GANC: variants seen among roughly 807,000 people sequenced by gnomAD.
GANC encodes the protein glucosidase alpha, neutral C, also known as neutral alpha-glucosidase C.
GANC carries 117 observed loss-of-function variants against 124.2 expected under a neutral mutation model. The observed-to-expected ratio is 0.94, with a 90% confidence interval of 0.81 to 1.10. GANC has a LOEUF of 1.10. GANC is among the 50% of genes least tolerant of loss of function. The pLI, the probability that GANC is intolerant of heterozygous loss-of-function variation, is 0.00. For synonymous variants in GANC, 377 were observed against 376.8 expected (o/e 1.00, Z -0.01); for missense variants, 1,140 against 1,095.0 (o/e 1.04, Z -0.58).
Position 42,273,220 on chromosome 15 carries a change from C to A in GANC, c.-1262C>A, listed in dbSNP as rs543349213. The A allele has an allele frequency of 6.2e-6, 10 of 1,612,724 alleles. No individual in the cohort carries two copies. The highest frequency in any genetic ancestry group is 2.7e-5 in the African/African-American group (2 of 75,018). Reference sequence around the variant, plus strand: ...GCCGCCGTAGCCCCACCCCTTGCTCCTCTAGGTTCAGACGTTAGTGAAGTG... The same window carrying A: ...GCCGCCGTAGCCCCACCCCTTGCTCATCTAGGTTCAGACGTTAGTGAAGTG... On this transcript the variant is annotated 5_prime_UTR_variant, in exon 1 of 24. Transcript: ENST00000318010.
intron 3 of GANC, among the ~76,000 whole-genome samples, chr15:42,285,712 T>C (rs2051780507): frequency 1.3e-5 from 2 of 152,098 alleles, no homozygotes; most frequent in South Asian, 2.1e-4. Context: ...CAAGAATCTC[T>C]TGAACCTAGG....
intron 15 of GANC, 67 bp downstream of exon 15, chr15:42,330,739 G>A: frequency 2.3e-6 from 2 of 857,554 alleles, no homozygotes; most frequent in Non-Finnish European, 1.8e-6. Context: ...TTTATAGAAT[G>A]TGATGTTACT....
chr15:42,310,324 G>A lies in GANC; in HGVS notation c.764G>A (p.Gly255Glu), dbSNP rs2052037988. 1 of 1,612,386 alleles carries A rather than the reference G, an allele frequency of 6.2e-7. No homozygotes were observed. The highest frequency in any genetic ancestry group is 1.3e-5 in the African/African-American group (1 of 74,992). ...AYRLYNLDVY[G>E]YQIYDKMGIY... is the part of the protein sequence containing the mutation. The stretch of plus-strand genomic sequence containing the variant: ...CGTCTTTATAACCTGGATGTCTATG[G>A]ATACCAAATATATGATAAAATGGGC... The change falls in exon 9 of 24, where the codon GGA becomes GAA. Residue 255 changes from glycine to glutamate, a missense_variant. Physicochemically the swap from Gly to Glu is moderately conservative, Grantham distance 98. Coordinates refer to ENST00000318010, the MANE Select transcript of GANC (RefSeq NM_198141.3).
chr15:42,279,604 T>C (rs2051711216), intron 3 of GANC, among the ~76,000 whole-genome samples: 1 of 152,136 alleles, frequency 6.6e-6, no homozygotes. Flanking sequence ...GAAGTGTGAC[T>C]GTGCACTACT....
chr15:42,312,700 A>G (rs1468443192), intron 10 of GANC, among the ~76,000 whole-genome samples: 15 of 152,200 alleles, frequency 9.9e-5, no homozygotes, highest in Admixed American at 9.8e-4. Context: ...GCACTTTGGG[A>G]GGCTGAGGTG....
chr15:42,277,777 T>TA (rs1289953442), intron 2 of GANC, among the ~76,000 whole-genome samples: 1 of 151,744 alleles, frequency 6.6e-6, no homozygotes, highest in Non-Finnish European at 1.5e-5. Flanking sequence ...ATTTTTTGTA[T>TA]TTTTAGTAGA....
intron 13 of GANC, among the ~76,000 whole-genome samples, chr15:42,328,508 A>G (rs2052214594): frequency 8.0e-6 from 1 of 124,784 alleles, no homozygotes; most frequent in African/African-American, 3.0e-5. Flanking sequence ...TAAAGATTCA[A>G]AAAAAAAAAA....
At chr15:42,278,992 C>A (rs971128140) in intron 3 of GANC, among the ~76,000 whole-genome samples, 5 of 151,804 alleles carry the variant, frequency 3.3e-5, no homozygotes, top group Admixed American at 6.6e-5. Context: ...AAGATCCTCC[C>A]TCAAAAAAGA....
At position 42,321,781 on chromosome 15, in the gene GANC, T is replaced by C. The variant is rs780341180; in HGVS notation, c.1058-4T>C. ...TTGACTCAGTTGTCATCTCCCTCTT[T>C]TAGGCACACAAGCCATGCCCCCTCT... On this transcript the variant is annotated splice_polypyrimidine_tract_variant and splice_region_variant and intron_variant, in intron 10 of 23. Coordinates refer to ENST00000318010, the MANE Select transcript of GANC (RefSeq NM_198141.3). The C allele has an allele frequency of 4.3e-6, 7 of 1,613,680 alleles. No homozygotes were observed. Among genetic ancestry groups the C allele is most frequent in the Non-Finnish European group, 5.9e-6 (7 of 1,179,562 alleles).
At chr15:42,281,490 C>G (rs1163229096) in intron 3 of GANC, among the ~76,000 whole-genome samples, 1 of 151,816 alleles carries the variant, frequency 6.6e-6, no homozygotes, top group African/African-American at 2.4e-5. Flanking sequence ...TTGAGACCAG[C>G]TATGGCCAAC....
At chr15:42,350,248 T>C (rs1349531934) in intron 22 of GANC, among the ~76,000 whole-genome samples, 1 of 151,844 alleles carries the variant, frequency 6.6e-6, no homozygotes, top group African/African-American at 2.4e-5. Flanking sequence ...CAGCCTGGTC[T>C]CGAACTCCCG....
intron 5 of GANC, among the ~76,000 whole-genome samples, chr15:42,297,263 A>C (rs575060136): frequency 5.9e-5 from 9 of 152,326 alleles, no homozygotes; most frequent in African/African-American, 1.9e-4. Flanking sequence ...ATACTTCTAC[A>C]TTAAGAAATG....
In GANC at chr15:42,353,543, C is replaced by G. The variant is rs547661645; in HGVS notation, c.*1404C>G. On this transcript the variant is annotated 3_prime_UTR_variant, in exon 24 of 24. Coordinates refer to ENST00000318010, the MANE Select transcript of GANC (RefSeq NM_198141.3). ...CGTTCTCCTACTAGATTGTATGTCC[C>G]TCAAGAGCATGTTCTGTTTCTCTTC... The G allele has an allele frequency of 1.0e-6, 1 of 983,318 alleles. No individual in the cohort carries two copies. The highest frequency in any genetic ancestry group is 1.1e-4 in the East Asian group (1 of 8,812). 60.9% of individuals were successfully genotyped at this position (983,318 alleles called of 1,614,324 possible).
At chr15:42,331,536 G>T (rs1398275578) in intron 15 of GANC, among the ~76,000 whole-genome samples, 1 of 152,160 alleles carries the variant, frequency 6.6e-6, no homozygotes, top group Non-Finnish European at 1.5e-5. Flanking sequence ...TTAGATCCTA[G>T]TTTAAAGAAT....
chr15:42,330,632 T>A lies in GANC; in HGVS notation c.1701T>A (p.Phe567Leu). 6.2e-7 allele frequency: 1 copy of A among 1,611,332 alleles called. No homozygotes were observed. The highest frequency in any genetic ancestry group is 8.5e-7 in the Non-Finnish European group (1 of 1,179,266). ...IKRSKGKERP[F>L]VLTRSFFAGS... Reference sequence around the variant, plus strand: ...GATCTAAAGGGAAGGAGAGACCCTTTGTTCTTACACGTTCTTTCTTTGCTG... The same window carrying A: ...GATCTAAAGGGAAGGAGAGACCCTTAGTTCTTACACGTTCTTTCTTTGCTG... The change falls in exon 15 of 24, where the codon TTT becomes TTA. Residue 567 changes from phenylalanine to leucine, a missense_variant. Phe to Leu is a conservative substitution (Grantham distance 22). Coordinates refer to ENST00000318010, the MANE Select transcript of GANC (RefSeq NM_198141.3).
chr15:42,302,153 A>G (rs1164038358), intron 6 of GANC, among the ~76,000 whole-genome samples: 1 of 152,206 alleles, frequency 6.6e-6, no homozygotes, highest in African/African-American at 2.4e-5. Context: ...TTCCAGAGGA[A>G]GGAACAGGCA....
chr15:42,336,032 G>T (rs2052280327), intron 15 of GANC, among the ~76,000 whole-genome samples: 1 of 151,828 alleles, frequency 6.6e-6, no homozygotes, highest in East Asian at 1.9e-4. Context: ...TGTTGAAATG[G>T]CCATACTGCC....
rs2051609399 is a variant in GANC at position 42,273,524 on chromosome 15, T to C, written c.-958T>C. On this transcript the variant is annotated 5_prime_UTR_variant, in exon 1 of 24. Transcript: ENST00000318010. Reference sequence around the variant, plus strand: ...GAAACGTCGCGGAGCTTGTTTGCTGTGCGGCGTAGCGGCCCCTCTCTCAGA... The same window carrying C: ...GAAACGTCGCGGAGCTTGTTTGCTGCGCGGCGTAGCGGCCCCTCTCTCAGA... 6.8e-7 allele frequency: 1 copy of C among 1,467,528 alleles called. No homozygotes were observed. The highest frequency in any genetic ancestry group is 1.4e-5 in the African/African-American group (1 of 71,512). The allele number at this position is 1,467,528 out of a possible 1,614,324, so 90.9% of individuals were successfully genotyped here. A position where few individuals can be genotyped will look rare whatever the true frequency, so the allele number is the denominator to read the frequency against.
intron 10 of GANC, among the ~76,000 whole-genome samples, chr15:42,311,656 AAG>A (rs1389517488): frequency 6.6e-6 from 1 of 152,090 alleles, no homozygotes; most frequent in African/African-American, 2.4e-5. Context: ...AGGAGGAATA[AAG>A]AGAGGGAGGA....
Sources: gnomAD v4.1 joint callset for allele counts (sites outside exome capture counted in the v4.1 genomes callset) on GRCh38, gnomAD v4.1.1 for gene constraint, MANE v1.5 for transcripts, NCBI Gene and HGNC (gene_info 2026-07-23, HGNC 2026-07-21) for gene names.